The following C8A variants were observed in gnomAD, a reference collection of about 807,000 sequenced individuals.
C8A encodes complement component C8 alpha chain.
Under a neutral mutation model 65.3 loss-of-function variants are expected in C8A, and 67 were observed. That is an observed-to-expected ratio of 1.03 (90% CI 0.84 to 1.26). The LOEUF (loss-of-function observed/expected upper bound fraction) is 1.26, where lower values mean the gene tolerates loss of function less well. Ranked by LOEUF, C8A falls within the 50% of genes most tolerant of loss-of-function variation. The pLI is 0.00. For missense variants in C8A, 781 were observed against 723.9 expected, an observed-to-expected ratio of 1.08 and a Z score of -0.90; for synonymous variants, 290 against 259.4, an observed-to-expected ratio of 1.12 and a Z score of -1.13.
chr1:56,865,166 C>T (rs552269429), intron 1 of C8A, among the ~76,000 whole-genome samples: 53 of 152,274 alleles, frequency 3.5e-4, no homozygotes, highest in African/African-American at 1.2e-3. Context: ...TGAGTATACA[C>T]TGAGTATGAT....
chr1:56,917,484 C>A, intron 10 of C8A, 81 bp from the exon 11 acceptor site: 1 of 1,473,000 alleles, frequency 6.8e-7, no homozygotes, highest in Non-Finnish European at 9.5e-7. Flanking sequence ...TGCCACACAC[C>A]CCTCCCTGTT....
intron 4 of C8A, among the ~76,000 whole-genome samples, chr1:56,876,542 C>T (rs545959232): frequency 2.0e-5 from 3 of 152,176 alleles, no homozygotes; most frequent in South Asian, 4.2e-4. Context: ...GATAGCTCTT[C>T]TCTGATCTAA....
At chr1:56,878,488 C>T (rs555527860) in intron 4 of C8A, among the ~76,000 whole-genome samples, 3 of 152,262 alleles carry the variant, frequency 2.0e-5, no homozygotes, top group Admixed American at 6.5e-5. Flanking sequence ...ATTTCAAATA[C>T]GCTTTCTGAA....
At chr1:56,897,821 T>C (rs17114533) in intron 7 of C8A, among the ~76,000 whole-genome samples, 6,762 of 152,212 alleles carry the variant, frequency 0.044, 332 homozygotes, top group South Asian at 0.13. Flanking sequence ...CATCCACTCA[T>C]TCAGTAAATG....
chr1:56,902,539 G>C (rs533011210), intron 7 of C8A, among the ~76,000 whole-genome samples: 5 of 152,050 alleles, frequency 3.3e-5, no homozygotes, highest in East Asian at 1.9e-4. Flanking sequence ...TACCCTCTTA[G>C]CCAACTTTAA....
chr1:56,886,382 C>T (rs535588904), intron 7 of C8A, among the ~76,000 whole-genome samples: 1 of 152,262 alleles, frequency 6.6e-6, no homozygotes, highest in Non-Finnish European at 1.5e-5. Context: ...TGAGCTCAGA[C>T]TTGTCTAGCC....
chr1:56,875,970 T>C, intron 3 of C8A, 92 bp from the exon 4 acceptor site: 2 of 1,509,748 alleles, frequency 1.3e-6, no homozygotes, highest in Non-Finnish European at 1.8e-6. Flanking sequence ...GATGGGAGGT[T>C]TATTTCTGAG....
chr1:56,914,615 G>A (rs2101316208), intron 10 of C8A, among the ~76,000 whole-genome samples: 1 of 152,264 alleles, frequency 6.6e-6, no homozygotes, highest in East Asian at 1.9e-4. Flanking sequence ...GTAGTTCTAA[G>A]TAGGAGGCAG....
intron 7 of C8A, among the ~76,000 whole-genome samples, chr1:56,891,133 T>A (rs971186152): frequency 1.3e-5 from 2 of 152,154 alleles, no homozygotes; most frequent in African/African-American, 4.8e-5. Flanking sequence ...TAGTTTGGGA[T>A]GATCTGGGAA....
chr1:56,908,332 G>A lies in C8A; in HGVS notation c.1380+219G>A, dbSNP rs117817666. Among the ~76,000 whole-genome samples the A allele has an allele frequency of 2.0e-4, 30 of 152,300 alleles. No individual in the cohort carries two copies. The East Asian group carries it at 4.1e-3, about 21-fold the overall frequency. On this transcript the variant is annotated intron_variant, in intron 9 of 10. Coordinates refer to ENST00000361249, the MANE Select transcript of C8A (RefSeq NM_000562.3). ...GGATCAGAAACTGATGATCTAGTCA[G>A]TGCCTAGTTTTACACTGCTCATCCC...
Position 56,875,089 on chromosome 1 carries a change from G to T in C8A, c.312G>T (p.Glu104Asp). The stretch of plus-strand genomic sequence containing the variant: ...GTGGACAGGATTTCCAGTGTAAGGA[G>T]ACAGGTGAGTAGCATTTCAGCAGAA... ...AQCGQDFQCK[E>D]TGRCLKRHLV... Residue 104 changes from glutamate to aspartate, a missense_variant, in exon 3 of 11, where the codon GAG becomes GAT. Coordinates refer to ENST00000361249, the MANE Select transcript of C8A (RefSeq NM_000562.3). 1 of 1,613,452 alleles carries T rather than the reference G, an allele frequency of 6.2e-7. No individual in the cohort carries two copies. Among genetic ancestry groups the T allele is most frequent in the East Asian group, 2.2e-5 (1 of 44,822 alleles).
At chr1:56,885,465 TATATATTTATTTAA>T (rs1644291015) in intron 6 of C8A, among the ~76,000 whole-genome samples, 1 of 126,752 alleles carries the variant, frequency 7.9e-6, no homozygotes, top group Non-Finnish European at 1.7e-5. Context: ...TTTCCGTAAA[TATATATTTATTTAA>T]ATATATATTT....
chr1:56,916,056 G>A (rs1644548525), intron 10 of C8A, among the ~76,000 whole-genome samples: 1 of 152,226 alleles, frequency 6.6e-6, no homozygotes. Flanking sequence ...AGGAAGAAGG[G>A]GGAGTGTGGG....
chr1:56,907,169 A>G (rs1417886482), intron 8 of C8A, among the ~76,000 whole-genome samples: 3 of 152,208 alleles, frequency 2.0e-5, no homozygotes, highest in Non-Finnish European at 4.4e-5. Flanking sequence ...GTCCAAGCTC[A>G]AAGAATAATT....
In C8A at chr1:56,917,789, T is replaced by C; in HGVS notation, c.*73T>C. On this transcript the variant is annotated 3_prime_UTR_variant, in exon 11 of 11. Coordinates refer to ENST00000361249, the MANE Select transcript of C8A (RefSeq NM_000562.3). Reference sequence around the variant, plus strand: ...GCACTGACTATTGGATAAAGACTTCTTTCAACTAAGAGAAGATGCAAATCA... The same window carrying C: ...GCACTGACTATTGGATAAAGACTTCCTTCAACTAAGAGAAGATGCAAATCA... 6.4e-7 allele frequency: 1 copy of C among 1,564,358 alleles called. No individual in the cohort carries two copies. The highest frequency in any genetic ancestry group is 1.1e-5 in the South Asian group (1 of 88,814).
At chr1:56,907,904 T>C in intron 8 of C8A, 52 bp from the exon 9 acceptor site, 4 of 1,607,158 alleles carry the variant, frequency 2.5e-6, no homozygotes, top group Non-Finnish European at 3.4e-6. Context: ...TGTCAACCAG[T>C]CCTTGGGCTT....
intron 7 of C8A, among the ~76,000 whole-genome samples, chr1:56,899,929 T>C (rs770489055): frequency 6.6e-6 from 1 of 152,188 alleles, no homozygotes; most frequent in East Asian, 1.9e-4. Context: ...CACATAGTCA[T>C]TGGACAGGGG....
chr1:56,876,050 T>G lies in C8A; in HGVS notation c.317-12T>G. ...GGGAACCCGAGGAGCAGCCACAGTC[T>G]CTTCTCTCCAGGTCGCTGCCTGAAA... On this transcript the variant is annotated splice_polypyrimidine_tract_variant and intron_variant, in intron 3 of 10. Coordinates refer to ENST00000361249, the MANE Select transcript of C8A (RefSeq NM_000562.3). The G allele has an allele frequency of 6.2e-7, 1 of 1,612,972 alleles. No homozygotes were observed. The highest frequency in any genetic ancestry group is 8.5e-7 in the Non-Finnish European group (1 of 1,179,580).
intron 4 of C8A, 60 bp downstream of exon 4, chr1:56,876,269 A>G (rs777659810): frequency 1.2e-6 from 2 of 1,606,146 alleles, no homozygotes; most frequent in Admixed American, 1.7e-5. Flanking sequence ...AATCGTGAGC[A>G]TTAGTTTTGA....
Sources: allele counts gnomAD v4.1 joint callset (sites outside exome capture counted in the v4.1 genomes callset), GRCh38; gene constraint gnomAD v4.1.1; transcripts MANE v1.5; gene names NCBI Gene and HGNC (gene_info 2026-07-23, HGNC 2026-07-21).